SIPA1: variants seen among roughly 807,000 people sequenced by gnomAD.
SIPA1 encodes signal-induced proliferation-associated protein 1.
A neutral mutation model predicts 88.1 loss-of-function variants in SIPA1; 51 were observed. The ratio of observed to expected loss-of-function variants is 0.58; its 90% CI spans 0.46 to 0.73. The LOEUF (loss-of-function observed/expected upper bound fraction) is 0.73. Ranked by LOEUF, SIPA1 falls within the 30% of genes least tolerant of loss-of-function variation. The probability of loss-of-function intolerance (pLI) is 0.00; values close to 1 mark genes in which losing one functional copy is unlikely to be tolerated. For missense variants in SIPA1, 1,348 were observed against 1,467.6 expected (o/e 0.92, Z 1.33); for synonymous variants, 681 against 664.8 (o/e 1.02, Z -0.37).
chr11:65,645,223 G>A, intron 5 of SIPA1, 94 bp downstream of exon 5: 1 of 1,291,480 alleles, frequency 7.7e-7, no homozygotes, highest in South Asian at 1.4e-5. Context: ...CAATCCTGGG[G>A]CTGGGGACTG....
Position 65,646,810 on chromosome 11 carries a change from G to T in SIPA1, c.1776G>T (p.Arg592=). The change falls in exon 8 of 16, where the codon CGG becomes CGT. Residue 592 remains arginine, a synonymous_variant. Transcript: ENST00000534313. The surrounding 1 kb of genome is among the most constrained non-coding windows in gnomAD (Gnocchi z 7.5). ...GAGTGCGCGCGGCGCCCGGGGCGCG[G>T]GTCGCCGCCGGGGCTCAGGCGAGCG... ...VWGVRAAPGA[R]VAAGAQASGP... is the part of the protein sequence containing the mutation. 7.8e-7 allele frequency: 1 copy of T among 1,287,304 alleles called. No individual in the cohort carries two copies. The highest frequency in any genetic ancestry group is 9.8e-7 in the Non-Finnish European group (1 of 1,019,158). The allele number at this position is 1,287,304 out of a possible 1,614,324, so 79.7% of individuals were successfully genotyped here.
At position 65,642,901 on chromosome 11, in the gene SIPA1, C is replaced by CTTTATTTG. The variant is rs1555003565; in HGVS notation, c.984+269_984+270insGTTTATTT. Reference sequence around the variant, plus strand: ...CAGACCATCTGAATCAGAGTTTGCACTTTATTTATTTATTTATTTATTTAT... The same window carrying CTTTATTTG: ...CAGACCATCTGAATCAGAGTTTGCACTTTATTTGTTTATTTATTTATTTATTTATTTAT... On this transcript the variant is annotated intron_variant, in intron 4 of 15. Coordinates refer to ENST00000534313, the MANE Select transcript of SIPA1 (RefSeq NM_006747.4). The surrounding 1 kb of genome is among the most constrained non-coding windows in gnomAD (Gnocchi z 6.5). Among the ~76,000 whole-genome samples, 2 of 146,856 alleles carry CTTTATTTG rather than the reference C, an allele frequency of 1.4e-5. No homozygotes were observed. Among genetic ancestry groups the CTTTATTTG allele is most frequent in the African/African-American group, 5.1e-5 (2 of 39,296 alleles).
At chr11:65,648,465 T>C (rs910429839) in intron 9 of SIPA1, among the ~76,000 whole-genome samples, 1 of 152,222 alleles carries the variant, frequency 6.6e-6, no homozygotes, top group African/African-American at 2.4e-5. Flanking sequence ...TAAAACTTTA[T>C]AGACACTGAA....
In SIPA1 at chr11:65,640,811, G is replaced by T; in HGVS notation, c.-91-20G>T. On this transcript the variant is annotated intron_variant, in intron 1 of 15. Transcript: ENST00000534313. The stretch of plus-strand genomic sequence containing the variant: ...CTGTTTTCTGCCCAGGCCCCTCTGA[G>T]CAGCCCCCTCCTCCTTCAGGGCAGG... 9.9e-7 allele frequency: 1 copy of T among 1,006,696 alleles called. No homozygotes were observed. 62.4% of individuals were successfully genotyped at this position (1,006,696 alleles called of 1,614,324 possible). A position where few individuals can be genotyped will look rare whatever the true frequency, so the allele number is the denominator to read the frequency against.
intron 11 of SIPA1, 32 bp from the exon 12 acceptor site, chr11:65,649,725 T>TC: frequency 6.2e-7 from 1 of 1,613,638 alleles, no homozygotes; most frequent in Non-Finnish European, 8.5e-7. Context: ...ACAGTGGGCA[T>TC]CACTGAATCT....
rs1442776246 is a variant in SIPA1 at position 65,642,455 on chromosome 11, T to C, written c.808-8T>C. ...TGCATCCTGAGTGCCCTTACACCCCTTCCTCAGCTCCGGACACTCCGTGGC... is the reference window on the plus strand; with the variant it reads ...TGCATCCTGAGTGCCCTTACACCCCCTCCTCAGCTCCGGACACTCCGTGGC... On this transcript the variant is annotated splice_region_variant and splice_polypyrimidine_tract_variant and intron_variant, in intron 3 of 15. Transcript: ENST00000534313. This position sits in a 1 kb window ranked among gnomAD's most constrained non-coding sequence, Gnocchi z 6.5. The C allele has an allele frequency of 6.2e-7, 1 of 1,610,150 alleles. No homozygotes were observed. Among genetic ancestry groups the C allele is most frequent in the African/African-American group, 1.3e-5 (1 of 74,734 alleles).
chr11:65,640,821 C>T lies in SIPA1; in HGVS notation c.-91-10C>T. ...CCCAGGCCCCTCTGAGCAGCCCCCT[C>T]CTCCTTCAGGGCAGGAACTGCTGCC... On this transcript the variant is annotated splice_polypyrimidine_tract_variant and intron_variant, in intron 1 of 15. Coordinates refer to ENST00000534313, the MANE Select transcript of SIPA1 (RefSeq NM_006747.4). 3 of 1,107,296 alleles carry T rather than the reference C, an allele frequency of 2.7e-6. No homozygotes were observed. Among genetic ancestry groups the T allele is most frequent in the South Asian group, 3.4e-5 (2 of 58,978 alleles). The allele number at this position is 1,107,296 out of a possible 1,614,324, so 68.6% of individuals were successfully genotyped here. A position where few individuals can be genotyped will look rare whatever the true frequency, so the allele number is the denominator to read the frequency against.
intron 10 of SIPA1, 24 bp downstream of exon 10, chr11:65,649,504 T>A (rs775968122): frequency 6.2e-7 from 1 of 1,613,614 alleles, no homozygotes; most frequent in Non-Finnish European, 8.5e-7. Flanking sequence ...GCCTTCCCTC[T>A]CCTCCAGGCC....
At chr11:65,641,627 G>C (rs1464544097) in intron 2 of SIPA1, 27 bp downstream of exon 2, 2 of 1,572,950 alleles carry the variant, frequency 1.3e-6, no homozygotes, top group Non-Finnish European at 1.7e-6. Flanking sequence ...CCAGGGAGTG[G>C]AGGAGGGGGG....
Position 65,646,680 on chromosome 11 carries a change from T to C in SIPA1, c.1646T>C (p.Leu549Pro). ...ACCAACGAGGTGACCACTACGTCGC[T>C]GGACTCGGCTTCACGCTTCGGCCTG... ...LATNEVTTTSLDSASRFGLPS... is the reference protein window; with the variant it reads ...LATNEVTTTSPDSASRFGLPS... Residue 549 changes from leucine to proline, a missense_variant, in exon 8 of 16, where the codon CTG (leucine) becomes CCG (proline). Leu to Pro is a moderately conservative substitution (Grantham distance 98). This residue lies in a region of SIPA1 where 641 missense variants were observed against 797.7 expected (regional missense o/e 0.80). Transcript: ENST00000534313. This position sits in a 1 kb window ranked among gnomAD's most constrained non-coding sequence, Gnocchi z 7.5. 1 of 1,543,742 alleles carries C rather than the reference T, an allele frequency of 6.5e-7. No homozygotes were observed. The highest frequency in any genetic ancestry group is 8.7e-7 in the Non-Finnish European group (1 of 1,146,908).
Position 65,646,067 on chromosome 11 carries a change from C to T in SIPA1, c.1263+110C>T, listed in dbSNP as rs912985633. 2 of 1,253,142 alleles carry T rather than the reference C, an allele frequency of 1.6e-6. No homozygotes were observed. The highest frequency in any genetic ancestry group is 2.0e-5 in the Admixed American group (1 of 51,130). The allele number at this position is 1,253,142 out of a possible 1,614,324, so 77.6% of individuals were successfully genotyped here. On this transcript the variant is annotated intron_variant, in intron 6 of 15. Coordinates refer to ENST00000534313, the MANE Select transcript of SIPA1 (RefSeq NM_006747.4). This position sits in a 1 kb window ranked among gnomAD's most constrained non-coding sequence, Gnocchi z 7.5. ...AGCTCTGTTGGCCCCAACAGCCCGC[C>T]CCTCTGGTGGCCCCTTCCCAAAGAC...
intron 4 of SIPA1, among the ~76,000 whole-genome samples, chr11:65,643,875 A>ATAC (rs1257451312): frequency 1.3e-5 from 2 of 152,008 alleles, no homozygotes; most frequent in African/African-American, 2.4e-5. Context: ...CCATGGAGGG[A>ATAC]TACGGTGCAG....
chr11:65,642,136 C>A lies in SIPA1; in HGVS notation c.680-114C>A. The A allele has an allele frequency of 7.1e-7, 1 of 1,398,926 alleles. No homozygotes were observed. The highest frequency in any genetic ancestry group is 9.7e-7 in the Non-Finnish European group (1 of 1,034,700). The allele number at this position is 1,398,926 out of a possible 1,614,324, so 86.7% of individuals were successfully genotyped here. A position where few individuals can be genotyped will look rare whatever the true frequency, so the allele number is the denominator to read the frequency against. ...AGAGGGGCGGGACTTAGTCTAGGGT[C>A]AACATTTGGTGGTGAGATGAAGCCT... On this transcript the variant is annotated intron_variant, in intron 2 of 15. Coordinates refer to ENST00000534313, the MANE Select transcript of SIPA1 (RefSeq NM_006747.4). The surrounding 1 kb of genome is among the most constrained non-coding windows in gnomAD (Gnocchi z 6.5).
Position 65,650,046 on chromosome 11 carries a change from G to T in SIPA1, c.2843G>T (p.Arg948Leu), listed in dbSNP as rs200286886. The part of the protein sequence containing the change: ...TCNTILESLS[R>L]EGQPIPESGD... ...AACACCATTCTGGAGTCGCTGTCCC[G>T]AGAGGGTGAGGCCACCAGGGTGCTG... Residue 948 changes from arginine to leucine, a missense_variant, in exon 13 of 16, where the codon CGA (arginine) becomes CTA (leucine). By Grantham distance (102) the Arg-to-Leu change is moderately radical (BLOSUM62 -2). Around this residue, in one of 4 missense-constraint regions of SIPA1, gnomAD observed 615 missense variants for 559.8 expected, o/e 1.10. Coordinates refer to ENST00000534313, the MANE Select transcript of SIPA1 (RefSeq NM_006747.4). 29 of 1,613,982 alleles carry T rather than the reference G, an allele frequency of 1.8e-5. No individual in the cohort carries two copies. Among genetic ancestry groups the T allele is most frequent in the Non-Finnish European group, 2.5e-5 (29 of 1,179,962 alleles).
At position 65,644,990 on chromosome 11, in the gene SIPA1, C is replaced by T. The variant is rs1186342966; in HGVS notation, c.1020C>T (p.Cys340=). 2.5e-6 allele frequency: 4 copies of T among 1,613,872 alleles called. No homozygotes were observed. The highest frequency in any genetic ancestry group is 3.4e-6 in the Non-Finnish European group (4 of 1,179,820). ...SFQRKVGILY[C]RAGQGSEEEM... ...AACGCAAGGTGGGCATCCTGTACTG[C>T]CGGGCGGGCCAGGGCTCGGAGGAGG... is the stretch of plus-strand genomic sequence containing the variant. Residue 340 remains cysteine, a synonymous_variant, in exon 5 of 16, where the codon TGC becomes TGT. Transcript: ENST00000534313.
At chr11:65,648,844 A>G (rs1856191739) in intron 9 of SIPA1, among the ~76,000 whole-genome samples, 1 of 152,144 alleles carries the variant, frequency 6.6e-6, no homozygotes, top group Non-Finnish European at 1.5e-5. Flanking sequence ...CTCAAAAAAA[A>G]AAAAAAGTAA....
Position 65,647,365 on chromosome 11 carries a change from C to T in SIPA1, c.2032-19C>T, listed in dbSNP as rs763268812. ...CCACCTCCCGGCAGCCCCGCCCACTCGTCCCGCCCCGTCCGCAGCTGGTGA... is the reference window on the plus strand; with the variant it reads ...CCACCTCCCGGCAGCCCCGCCCACTTGTCCCGCCCCGTCCGCAGCTGGTGA... On this transcript the variant is annotated intron_variant, in intron 8 of 15. Transcript: ENST00000534313. 2.9e-6 allele frequency: 4 copies of T among 1,390,354 alleles called. No individual in the cohort carries two copies. In the South Asian group the frequency reaches 4.6e-5, roughly 16 times the overall value. 86.1% of individuals were successfully genotyped at this position (1,390,354 alleles called of 1,614,324 possible). A position where few individuals can be genotyped will look rare whatever the true frequency, so the allele number is the denominator to read the frequency against.
chr11:65,649,314 GC>G lies in SIPA1; in HGVS notation c.2363del (p.Pro788GlnfsTer11). 1 of 1,556,542 alleles carries G rather than the reference GC, an allele frequency of 6.4e-7. No homozygotes were observed. On this transcript the variant is annotated frameshift_variant, in exon 10 of 16. Transcript: ENST00000534313. LOFTEE classifies it high-confidence loss of function. ...LSLQEPSRRG[A>X]PDPVQDEVQG... ...GCTGCAGGAGCCTAGCCGGCGGGGG[GC>G]CCCAGATCCTGTGCAGGATGAGGTC... is the stretch of plus-strand genomic sequence containing the variant.
intron 4 of SIPA1, among the ~76,000 whole-genome samples, chr11:65,644,510 T>G (rs958051437): frequency 1.3e-5 from 2 of 151,438 alleles, no homozygotes; most frequent in Admixed American, 6.6e-5. Flanking sequence ...TTGGAGGAGT[T>G]CAGAGCACCT....
Sources: gnomAD v4.1 joint callset for allele counts (sites outside exome capture counted in the v4.1 genomes callset) on GRCh38, gnomAD v4.1.1 for gene constraint, gnomAD v4.1.1 regional missense constraint, Gnocchi (gnomAD v3.1) non-coding constraint, MANE v1.5 for transcripts, NCBI Gene and HGNC (gene_info 2026-07-23, HGNC 2026-07-21) for gene names.